Variants in MEN1 observed in about 807,000 individuals in gnomAD.
MEN1 encodes the protein menin 1, also known as menin.
MEN1 carries 6 observed loss-of-function variants against 58.0 expected under a neutral mutation model. The ratio of observed to expected loss-of-function variants is 0.10; its 90% CI spans 0.06 to 0.20. MEN1 has a LOEUF of 0.20. Ranked by LOEUF, MEN1 falls within the 10% of genes least tolerant of loss-of-function variation. MEN1 has a pLI of 1.00. For synonymous variants in MEN1, 346 were observed against 350.7 expected, an observed-to-expected ratio of 0.99 and a Z score of 0.15; for missense variants, 492 against 818.5, an observed-to-expected ratio of 0.60 and a Z score of 4.87.
chr11:64,808,944 G>A (rs1487712801), intron 2 of MEN1, among the ~76,000 whole-genome samples: 2 of 116,792 alleles, frequency 1.7e-5, no homozygotes, highest in Admixed American at 1.0e-4. Context: ...GACAGAGTGA[G>A]ACGCCGTCTG....
Position 64,807,022 on chromosome 11 carries a change from G to C in MEN1, c.901C>G (p.Leu301Val). ...PTPGRPDPLT[L>V]YHKGIASAKT... Reference sequence around the variant, plus strand: ...TTAGATGCCCCCACCTTGTGGTAGAGGGTGAGTGGGTCTGGCCGGCCAGGG... The same window carrying C: ...TTAGATGCCCCCACCTTGTGGTAGACGGTGAGTGGGTCTGGCCGGCCAGGG... Residue 301 changes from leucine to valine, a missense_variant, in exon 6 of 10, where the codon CTC (leucine) becomes GTC (valine). By Grantham distance (32) the Leu-to-Val change is conservative (BLOSUM62 1). This residue lies in a region of MEN1 where 335 missense variants were observed against 550.3 expected (regional missense o/e 0.61). Coordinates refer to ENST00000450708, the MANE Select transcript of MEN1 (RefSeq NM_001370259.2). The surrounding 1 kb of genome is among the most constrained non-coding windows in gnomAD (Gnocchi z 4.9). The C allele has an allele frequency of 6.2e-7, 1 of 1,612,990 alleles. No individual in the cohort carries two copies. The highest frequency in any genetic ancestry group is 8.5e-7 in the Non-Finnish European group (1 of 1,179,994).
At position 64,809,897 on chromosome 11, in the gene MEN1, C is replaced by T. The variant is rs778154183; in HGVS notation, c.213G>A (p.Pro71=). 1 of 1,581,886 alleles carries T rather than the reference C, an allele frequency of 6.3e-7. No individual in the cohort carries two copies. Among genetic ancestry groups the T allele is most frequent in the Non-Finnish European group, 8.6e-7 (1 of 1,163,270 alleles). The change falls in exon 2 of 10, where the codon CCG becomes CCA. Residue 71 remains proline, a synonymous_variant. Coordinates refer to ENST00000450708, the MANE Select transcript of MEN1 (RefSeq NM_001370259.2). ...CGGGAAAGTAGGTGAGGCCGCCAGG[C>T]GGGTCGGGGGCGGGGCTGGGCTGGA... ...LTFQPSPAPD[P]PGGLTYFPVA... is the part of the protein sequence containing the mutation.
At position 64,809,843 on chromosome 11, in the gene MEN1, G is replaced by A. The variant is rs1060499972; in HGVS notation, c.267C>T (p.Leu89=). The A allele has an allele frequency of 1.2e-6, 2 of 1,613,080 alleles. No individual in the cohort carries two copies. The highest frequency in any genetic ancestry group is 2.7e-5 in the African/African-American group (2 of 74,856). ...PVADLSIIAA[L]YARFTAQIRG... ...GGATCTGGGCGGTGAAGCGGGCATAGAGGGCGGCGATGATAGACAGGTCGG... is the reference window on the plus strand; with the variant it reads ...GGATCTGGGCGGTGAAGCGGGCATAAAGGGCGGCGATGATAGACAGGTCGG... The change falls in exon 2 of 10, where the codon CTC becomes CTT. Residue 89 remains leucine, a synonymous_variant. Transcript: ENST00000450708.
Position 64,804,954 on chromosome 11 carries a change from C to T in MEN1, c.1350+80G>A, listed in dbSNP as rs1941592822. 6 of 1,601,438 alleles carry T rather than the reference C, an allele frequency of 3.7e-6. No homozygotes were observed. The South Asian group carries it at 5.5e-5, about 15-fold the overall frequency. On this transcript the variant is annotated intron_variant, in intron 9 of 9. Coordinates refer to ENST00000450708, the MANE Select transcript of MEN1 (RefSeq NM_001370259.2). The surrounding 1 kb of genome is among the most constrained non-coding windows in gnomAD (Gnocchi z 4.2). ...CCCAAGGGGATGGGCAGATGCTGCC[C>T]CTGGGCCAGAAAAGTCTGACAAGCC...
Position 64,807,582 on chromosome 11 carries a change from G to A in MEN1, c.753C>T (p.Thr251=), listed in dbSNP as rs763326062. 3.0e-5 allele frequency: 49 copies of A among 1,613,992 alleles called. No individual in the cohort carries two copies. Among genetic ancestry groups the A allele is most frequent in the Middle Eastern group, 1.6e-4 (1 of 6,084 alleles). Residue 251 remains threonine (T), a synonymous_variant, in exon 4 of 10, where the codon ACC becomes ACT. Transcript: ENST00000450708. The surrounding 1 kb of genome is among the most constrained non-coding windows in gnomAD (Gnocchi z 4.9). The part of the protein sequence containing the change: ...CAINPSIDLH[T]DSLELLQLQQ... ...GCAGCTGCAGAAGCTCCAGCGAGTC[G>A]GTGTGCAGGTCAATGGAAGGGTTGA...
intron 2 of MEN1, 39 bp downstream of exon 2, chr11:64,809,626 G>C: frequency 6.2e-7 from 1 of 1,611,020 alleles, no homozygotes; most frequent in Non-Finnish European, 8.5e-7. Context: ...TTTTGAAGAA[G>C]TGGGTCATGG....
Position 64,805,198 on chromosome 11 carries a change from C to G in MEN1, c.1186G>C (p.Gly396Arg). The change falls in exon 9 of 10, where the codon GGC becomes CGC. Residue 396 changes from glycine to arginine, a missense_variant and splice_region_variant. Coordinates refer to ENST00000450708, the MANE Select transcript of MEN1 (RefSeq NM_001370259.2). ...GEERPGEQSQ[G>R]TQSQGSALQD... The stretch of plus-strand genomic sequence containing the variant: ...AGGGCGGAACCTTGGCTCTGGGTGC[C>G]CTGGACGAGGGGGAAGGGAGGGCAC... The G allele has an allele frequency of 6.2e-7, 1 of 1,613,266 alleles. No homozygotes were observed.
At position 64,807,211 on chromosome 11, in the gene MEN1, G is replaced by C. The variant is rs2136134213; in HGVS notation, c.792C>G (p.Leu264=). ...GATGTCCCAGGTCATAGAGCAGCCA[G>C]AGCAGCTTCTAGGAGCCGAAGGAGA... ...LELLQLQQKL[L]WLLYDLGHLE... is the part of the protein sequence containing the mutation. The change falls in exon 5 of 10, where the codon CTC becomes CTG. Residue 264 remains leucine (L), a synonymous_variant. Transcript: ENST00000450708. The surrounding 1 kb of genome is among the most constrained non-coding windows in gnomAD (Gnocchi z 4.9). 3 of 1,613,658 alleles carry C rather than the reference G, an allele frequency of 1.9e-6. No homozygotes were observed. Among genetic ancestry groups the C allele is most frequent in the Non-Finnish European group, 2.5e-6 (3 of 1,179,942 alleles).
chr11:64,809,875 G>C lies in MEN1; in HGVS notation c.235C>G (p.Pro79Ala), dbSNP rs1415414596. ...PDPPGGLTYF[P>A]VADLSIIAAL... The stretch of plus-strand genomic sequence containing the variant: ...GCGATGATAGACAGGTCGGCCACGG[G>C]AAAGTAGGTGAGGCCGCCAGGCGGG... Residue 79 changes from proline (P) to alanine (A), a missense_variant, in exon 2 of 10, where the codon CCC becomes GCC. Around this residue, in one of 5 missense-constraint regions of MEN1, gnomAD observed 335 missense variants for 550.3 expected, o/e 0.61. Transcript: ENST00000450708. 1 of 1,604,604 alleles carries C rather than the reference G, an allele frequency of 6.2e-7. No individual in the cohort carries two copies. Among genetic ancestry groups the C allele is most frequent in the African/African-American group, 1.3e-5 (1 of 74,652 alleles).
intron 8 of MEN1, 136 bp downstream of exon 8, chr11:64,805,499 A>G: frequency 8.6e-7 from 1 of 1,157,360 alleles, no homozygotes; most frequent in Non-Finnish European, 1.2e-6. Context: ...GTTATAGCAA[A>G]AGGGAACATA....
At position 64,805,096 on chromosome 11, in the gene MEN1, G is replaced by A. The variant is rs1941612222; in HGVS notation, c.1288C>T (p.Pro430Ser). 6.2e-7 allele frequency: 1 copy of A among 1,614,164 alleles called. No homozygotes were observed. Among genetic ancestry groups the A allele is most frequent in the Non-Finnish European group, 8.5e-7 (1 of 1,180,016 alleles). The change falls in exon 9 of 10, where the codon CCT becomes TCT. Residue 430 changes from proline (P) to serine (S), a missense_variant. This residue lies in a region of MEN1 where 9 missense variants were observed against 46.4 expected (regional missense o/e 0.19). Coordinates refer to ENST00000450708, the MANE Select transcript of MEN1 (RefSeq NM_001370259.2). ...ICKWEEGSPT[P>S]VLHVGWATFL... is the part of the protein sequence containing the mutation. ...GTGGCCCAGCCCACATGCAGCACAGGCGTGGGACTGCCCTCCTCCCATTTG... is the reference window on the plus strand; with the variant it reads ...GTGGCCCAGCCCACATGCAGCACAGACGTGGGACTGCCCTCCTCCCATTTG...
At chr11:64,808,698 C>T (rs909464653) in intron 2 of MEN1, among the ~76,000 whole-genome samples, 1 of 152,190 alleles carries the variant, frequency 6.6e-6, no homozygotes, top group Non-Finnish European at 1.5e-5. Flanking sequence ...GTAATCCCAG[C>T]ACTTTGGGAG....
chr11:64,807,408 TGGGAAA>T lies in MEN1; in HGVS notation c.783+138_783+143del. Reference sequence around the variant, plus strand: ...CTCAATTCTACTCTCCCAAGAGCCCTGGGAAAGGCCAGGCCAGGAATTACTAACCCA... The same window carrying T: ...CTCAATTCTACTCTCCCAAGAGCCCTGGCCAGGCCAGGAATTACTAACCCA... On this transcript the variant is annotated intron_variant, in intron 4 of 9. Coordinates refer to ENST00000450708, the MANE Select transcript of MEN1 (RefSeq NM_001370259.2). The surrounding 1 kb of genome is among the most constrained non-coding windows in gnomAD (Gnocchi z 4.9). 9.2e-7 allele frequency: 1 copy of T among 1,082,812 alleles called. No homozygotes were observed. Among genetic ancestry groups the T allele is most frequent in the Admixed American group, 2.0e-5 (1 of 50,214 alleles). The allele number at this position is 1,082,812 out of a possible 1,614,324, so 67.1% of individuals were successfully genotyped here.
Position 64,809,828 on chromosome 11 carries a change from G to C in MEN1, c.282C>G (p.Thr94=), listed in dbSNP as rs760442763. 1 of 1,613,708 alleles carries C rather than the reference G, an allele frequency of 6.2e-7. No homozygotes were observed. Among genetic ancestry groups the C allele is most frequent in the Non-Finnish European group, 8.5e-7 (1 of 1,179,808 alleles). Residue 94 remains threonine, a synonymous_variant, in exon 2 of 10, where the codon ACC becomes ACG. Coordinates refer to ENST00000450708, the MANE Select transcript of MEN1 (RefSeq NM_001370259.2). The part of the protein sequence containing the change: ...SIIAALYARF[T]AQIRGAVDLS... Reference sequence around the variant, plus strand: ...GGTCGACGGCGCCTCGGATCTGGGCGGTGAAGCGGGCATAGAGGGCGGCGA... The same window carrying C: ...GGTCGACGGCGCCTCGGATCTGGGCCGTGAAGCGGGCATAGAGGGCGGCGA...
chr11:64,805,582 G>A, intron 8 of MEN1, 53 bp downstream of exon 8: 2 of 1,607,594 alleles, frequency 1.2e-6, no homozygotes, highest in Non-Finnish European at 1.7e-6. Context: ...CCTGTGGAAG[G>A]GAGCCCTGTC....
chr11:64,810,017 C>T lies in MEN1; in HGVS notation c.93G>A (p.Glu31=). The part of the protein sequence containing the change: ...RLFAAELGRE[E]PDLVLLSLVL... ...CCAAGGAAAGGAGCACCAGGTCCGG[C>T]TCCTCTCGGCCCAGCTCGGCAGCAA... The change falls in exon 2 of 10, where the codon GAG becomes GAA. Residue 31 remains glutamate, a synonymous_variant. Transcript: ENST00000450708. 3 of 1,607,344 alleles carry T rather than the reference C, an allele frequency of 1.9e-6. No homozygotes were observed. The highest frequency in any genetic ancestry group is 2.5e-6 in the Non-Finnish European group (3 of 1,176,948).
chr11:64,809,200 G>T (rs933529431), intron 2 of MEN1, among the ~76,000 whole-genome samples: 1 of 145,804 alleles, frequency 6.9e-6, no homozygotes, highest in African/African-American at 2.6e-5. Context: ...GGAGACTGAG[G>T]CTGCAGTGAG....
chr11:64,810,454 G>A (rs1268447752), intron 1 of MEN1, 60 bp downstream of exon 1: 2 of 311,674 alleles, frequency 6.4e-6, no homozygotes, highest in Middle Eastern at 9.7e-4. Context: ...TCCAGAAAGC[G>A]CACCCAGGTC....
At position 64,807,132 on chromosome 11, in the gene MEN1, GC is replaced by G. The variant is rs768710094; in HGVS notation, c.825-35del. Reference sequence around the variant, plus strand: ...GGATCATAATTCAGGCTGCCACCCAGCCCCCCGGCCTCACCAGGCGCAGCCT... The same window carrying G: ...GGATCATAATTCAGGCTGCCACCCAGCCCCCGGCCTCACCAGGCGCAGCCT... On this transcript the variant is annotated intron_variant, in intron 5 of 9. Transcript: ENST00000450708. This position sits in a 1 kb window ranked among gnomAD's most constrained non-coding sequence, Gnocchi z 4.9. 1 of 1,613,778 alleles carries G rather than the reference GC, an allele frequency of 6.2e-7. No homozygotes were observed. Among genetic ancestry groups the G allele is most frequent in the South Asian group, 1.1e-5 (1 of 91,052 alleles).
Sources: gnomAD v4.1 joint callset for allele counts (sites outside exome capture counted in the v4.1 genomes callset) on GRCh38, gnomAD v4.1.1 for gene constraint, gnomAD v4.1.1 regional missense constraint, Gnocchi (gnomAD v3.1) non-coding constraint, MANE v1.5 for transcripts, NCBI Gene and HGNC (gene_info 2026-07-23, HGNC 2026-07-21) for gene names.